HPN: variants seen among roughly 807,000 people sequenced by gnomAD.
HPN encodes serine protease hepsin.
A neutral mutation model predicts 55.9 loss-of-function variants in HPN; 13 were observed. The observed-to-expected ratio is 0.23, with a 90% CI of 0.15 to 0.37. The LOEUF is 0.37. HPN is among the 10% of genes least tolerant of loss of function. HPN has a pLI of 1.00. For synonymous variants in HPN, 225 were observed against 240.3 expected, an observed-to-expected ratio of 0.94 and a Z score of 0.59; for missense variants, 451 against 575.8, an observed-to-expected ratio of 0.78 and a Z score of 2.22.
In HPN at chr19:35,060,011, G is replaced by A. The variant is rs374536339; in HGVS notation, c.413+15G>A. 1.2e-4 allele frequency: 193 copies of A among 1,598,884 alleles called. No homozygotes were observed. Among genetic ancestry groups the A allele is most frequent in the Non-Finnish European group, 1.5e-4 (181 of 1,171,516 alleles). On this transcript the variant is annotated intron_variant, in intron 6 of 12. Transcript: ENST00000672452. Reference sequence around the variant, plus strand: ...ATCTCCGTGTGGTGAGGAGGGCAGCGGGCAGGTGGGGCAACACCTCAGACC... The same window carrying A: ...ATCTCCGTGTGGTGAGGAGGGCAGCAGGCAGGTGGGGCAACACCTCAGACC...
chr19:35,053,030 C>G (rs893773477), intron 4 of HPN, among the ~76,000 whole-genome samples: 10 of 151,464 alleles, frequency 6.6e-5, no homozygotes, highest in African/African-American at 2.4e-4. Context: ...CCCCACCTCG[C>G]TTTTTTTTTC....
chr19:35,059,347 T>A, intron 4 of HPN: 1 of 457,510 alleles, frequency 2.2e-6, no homozygotes, highest in East Asian at 4.5e-5. Flanking sequence ...TCAGGTGTGG[T>A]GGTGCACGCC....
upstream of HPN, among the ~76,000 whole-genome samples, chr19:35,041,292 G>A (rs2064290875): frequency 6.6e-6 from 1 of 152,142 alleles, no homozygotes; most frequent in African/African-American, 2.4e-5. Context: ...AGAGGCTGGG[G>A]CTGGGGTTGG....
At chr19:35,047,079 C>T (rs1315123980) in intron 2 of HPN, among the ~76,000 whole-genome samples, 4 of 152,206 alleles carry the variant, frequency 2.6e-5, no homozygotes, top group East Asian at 1.9e-4. Flanking sequence ...CTGCCCACCT[C>T]GGCCTCCCAA....
intron 4 of HPN, among the ~76,000 whole-genome samples, chr19:35,054,429 A>C (rs532733036): frequency 1.1e-4 from 16 of 151,910 alleles, no homozygotes; most frequent in Admixed American, 2.6e-4. Flanking sequence ...AAAAAAAAAA[A>C]AAAAACCGAA....
intron 9 of HPN, 90 bp from the exon 10 acceptor site, chr19:35,065,160 T>C: frequency 2.7e-6 from 2 of 738,170 alleles, no homozygotes. Flanking sequence ...GAGGGCAGGG[T>C]GTGTTAGGGG....
intron 9 of HPN, among the ~76,000 whole-genome samples, chr19:35,063,537 C>T (rs1309288676): frequency 6.6e-6 from 1 of 152,156 alleles, no homozygotes; most frequent in Admixed American, 6.5e-5. Flanking sequence ...GGTGAAACCC[C>T]ATCTCTACTA....
chr19:35,046,424 T>C (rs2064342683), intron 2 of HPN, among the ~76,000 whole-genome samples: 1 of 152,040 alleles, frequency 6.6e-6, no homozygotes. Context: ...TTTGTATTTT[T>C]AGTAGAGGCG....
chr19:35,042,396 A>C, intron 1 of HPN, 57 bp from the exon 2 acceptor site: 2 of 1,496,706 alleles, frequency 1.3e-6, no homozygotes, highest in Non-Finnish European at 1.8e-6. Context: ...TGGGGGCGCC[A>C]GGACTGGGCT....
At chr19:35,059,211 C>T (rs989647302) in intron 4 of HPN, 2 of 322,426 alleles carry the variant, frequency 6.2e-6, no homozygotes, top group African/African-American at 4.4e-5. Context: ...CCTGTAATCC[C>T]AGCATTTTAG....
At chr19:35,052,137 G>A (rs1338440228) in intron 4 of HPN, among the ~76,000 whole-genome samples, 1 of 152,114 alleles carries the variant, frequency 6.6e-6, no homozygotes, top group Non-Finnish European at 1.5e-5. Context: ...TGAGCTGTGG[G>A]GCCTCCCACC....
intron 4 of HPN, among the ~76,000 whole-genome samples, chr19:35,054,752 C>T (rs765242539): frequency 2.0e-4 from 31 of 152,138 alleles, no homozygotes; most frequent in Non-Finnish European, 1.0e-4. Context: ...GGATGATCTT[C>T]GTGGCTCCTG....
chr19:35,050,858 T>C (rs2064396061), intron 4 of HPN, among the ~76,000 whole-genome samples: 1 of 151,946 alleles, frequency 6.6e-6, no homozygotes, highest in African/African-American at 2.4e-5. Flanking sequence ...ACTCATTAAG[T>C]CTTCCCAACA....
chr19:35,051,662 G>A (rs1310674397), intron 4 of HPN, among the ~76,000 whole-genome samples: 2 of 148,426 alleles, frequency 1.3e-5, no homozygotes, highest in Non-Finnish European at 3.0e-5. Flanking sequence ...ACTGTATATA[G>A]TGTCTACACT....
intron 4 of HPN, among the ~76,000 whole-genome samples, chr19:35,055,774 A>G (rs889534063): frequency 7.2e-5 from 11 of 151,916 alleles, no homozygotes; most frequent in African/African-American, 1.9e-4. Context: ...TTAACCGGCA[A>G]TTCTGGAGGG....
chr19:35,051,483 G>A (rs1178338192), intron 4 of HPN, among the ~76,000 whole-genome samples: 1 of 152,128 alleles, frequency 6.6e-6, no homozygotes, highest in East Asian at 1.9e-4. Flanking sequence ...TGAGCTCAAA[G>A]CAGTCCTCTC....
At chr19:35,056,815 T>C (rs1018325158) in intron 4 of HPN, among the ~76,000 whole-genome samples, 3 of 152,194 alleles carry the variant, frequency 2.0e-5, no homozygotes, top group Non-Finnish European at 4.4e-5. Flanking sequence ...GAATGAATAC[T>C]CCATCCTCTG....
Position 35,059,782 on chromosome 19 carries a change from C to T in HPN, c.270C>T (p.Cys90=), listed in dbSNP as rs1288183499. The change falls in exon 5 of 13, where the codon TGC becomes TGT. Residue 90 remains cysteine (C), a synonymous_variant. Transcript: ENST00000672452. ...ACGCCAGGGTAGCCGGACTCAGCTGCGAGGAGATGGGCTTCCTCAGGTACT... is the reference window on the plus strand; with the variant it reads ...ACGCCAGGGTAGCCGGACTCAGCTGTGAGGAGATGGGCTTCCTCAGGTACT... ...RSNARVAGLS[C]EEMGFLRALT... 5 of 1,580,326 alleles carry T rather than the reference C, an allele frequency of 3.2e-6. No individual in the cohort carries two copies. Among genetic ancestry groups the T allele is most frequent in the Admixed American group, 1.8e-5 (1 of 55,416 alleles).
At position 35,066,011 on chromosome 19, in the gene HPN, G is replaced by C. The variant is rs764645123; in HGVS notation, c.1194G>C (p.Glu398Asp). ...GVYTKVSDFR[E>D]WIFQAIKTHS... is the part of the protein sequence containing the mutation. ...ACACCAAAGTCAGTGACTTCCGGGA[G>C]TGGATCTTCCAGGCCATAAAGGTGA... The change falls in exon 12 of 13, where the codon GAG (glutamate) becomes GAC (aspartate). Residue 398 changes from glutamate (E) to aspartate (D), a missense_variant. Glu to Asp is a conservative substitution (Grantham distance 45). Transcript: ENST00000672452. The C allele has an allele frequency of 1.2e-6, 2 of 1,611,732 alleles. No homozygotes were observed. Among genetic ancestry groups the C allele is most frequent in the Non-Finnish European group, 8.5e-7 (1 of 1,180,030 alleles).
Sources: gnomAD v4.1 joint callset for allele counts (sites outside exome capture counted in the v4.1 genomes callset) on GRCh38, gnomAD v4.1.1 for gene constraint, MANE v1.5 for transcripts, NCBI Gene and HGNC (gene_info 2026-07-23, HGNC 2026-07-21) for gene names.